PCDH7: variants seen among roughly 807,000 people sequenced by gnomAD.
The protein encoded by PCDH7 is protocadherin 7.
A neutral mutation model predicts 58.9 loss-of-function variants in PCDH7; 17 were observed. That is an observed-to-expected ratio of 0.29 (90% CI 0.20 to 0.43). The LOEUF (loss-of-function observed/expected upper bound fraction) is 0.43. PCDH7 is among the 20% of genes least tolerant of loss of function. The pLI, the probability that PCDH7 is intolerant of heterozygous loss-of-function variation, is 1.00. For synonymous variants in PCDH7, 664 were observed against 616.4 expected, an observed-to-expected ratio of 1.08 and a Z score of -1.14; for missense variants, 1,274 against 1,441.0, an observed-to-expected ratio of 0.88 and a Z score of 1.88.
intron 3 of PCDH7, among the ~76,000 whole-genome samples, chr4:31,056,505 G>GAAAGAAAT (rs1757238086): frequency 1.7e-5 from 2 of 115,120 alleles, no homozygotes; most frequent in Admixed American, 8.8e-5. Context: ...AAGAAAGAAA[G>GAAAGAAAT]AAAGAAAGAA....
chr4:31,141,182 A>T (rs527687664), intron 3 of PCDH7, among the ~76,000 whole-genome samples: 2 of 152,246 alleles, frequency 1.3e-5, no homozygotes, highest in African/African-American at 4.8e-5. Flanking sequence ...GAAAGTGTAC[A>T]TATCTTGGGA....
intron 3 of PCDH7, among the ~76,000 whole-genome samples, chr4:31,090,239 T>C (rs1713057338): frequency 6.6e-6 from 1 of 151,932 alleles, no homozygotes; most frequent in African/African-American, 2.4e-5. Context: ...AAAGACTTTA[T>C]GAAAAAAAAG....
At chr4:31,134,792 C>T (rs142227710) in intron 3 of PCDH7, among the ~76,000 whole-genome samples, 61 of 152,280 alleles carry the variant, frequency 4.0e-4, no homozygotes, top group African/African-American at 1.4e-3. Context: ...GTCTCTGTCT[C>T]AAGTGGGGTT....
intron 1 of PCDH7, among the ~76,000 whole-genome samples, chr4:30,859,568 T>G (rs1038311265): frequency 6.6e-6 from 1 of 151,630 alleles, no homozygotes; most frequent in African/African-American, 2.4e-5. Context: ...GCCTCCCGAG[T>G]AGCTGGGATT....
intron 1 of PCDH7, among the ~76,000 whole-genome samples, chr4:30,910,759 A>T (rs1224028419): frequency 6.6e-6 from 1 of 152,184 alleles, no homozygotes; most frequent in East Asian, 1.9e-4. Flanking sequence ...GTGATTCCTC[A>T]AGGATCTAGA....
In PCDH7 at chr4:30,721,049, A is replaced by C; in HGVS notation, c.-374A>C. 2 of 217,950 alleles carry C rather than the reference A, an allele frequency of 9.2e-6. No individual in the cohort carries two copies. Among genetic ancestry groups the C allele is most frequent in the Admixed American group, 5.6e-5 (1 of 17,706 alleles). 13.5% of individuals were successfully genotyped at this position (217,950 alleles called of 1,614,324 possible). A position where few individuals can be genotyped will look rare whatever the true frequency, so the allele number is the denominator to read the frequency against. On this transcript the variant is annotated 5_prime_UTR_variant, in exon 1 of 2. Transcript: ENST00000361762. The surrounding 1 kb of genome is among the most constrained non-coding windows in gnomAD (Gnocchi z 6.7). ...GACAGAGCGGGGACTAGAGCCGGGG[A>C]TTCTCCGCCCGCTGAGGGGATGACT... is the stretch of plus-strand genomic sequence containing the variant.
At chr4:31,065,123 GC>G (rs1343827337) in intron 3 of PCDH7, among the ~76,000 whole-genome samples, 2 of 151,988 alleles carry the variant, frequency 1.3e-5, no homozygotes, top group Non-Finnish European at 2.9e-5. Flanking sequence ...TCTGAGGGAT[GC>G]TGTGTAAACC....
chr4:30,956,213 G>A (rs1747851461), intron 3 of PCDH7, among the ~76,000 whole-genome samples: 1 of 150,884 alleles, frequency 6.6e-6, no homozygotes, highest in South Asian at 2.1e-4. Context: ...GGGCAACAGA[G>A]TGAGACTGCA....
chr4:30,822,650 A>T (rs1728523745), intron 1 of PCDH7, among the ~76,000 whole-genome samples: 1 of 152,058 alleles, frequency 6.6e-6, no homozygotes, highest in South Asian at 2.1e-4. Flanking sequence ...CATTTCAAAT[A>T]CTGGGCTTTT....
At chr4:30,915,366 G>T (rs1189566943) in intron 1 of PCDH7, among the ~76,000 whole-genome samples, 1 of 152,110 alleles carries the variant, frequency 6.6e-6, no homozygotes, top group Non-Finnish European at 1.5e-5. Context: ...AGCCACAGTG[G>T]CCTTCTAAAG....
chr4:31,114,369 A>G (rs940663329), intron 3 of PCDH7, among the ~76,000 whole-genome samples: 2 of 152,148 alleles, frequency 1.3e-5, no homozygotes, highest in Non-Finnish European at 2.9e-5. Flanking sequence ...AAGTATTTTG[A>G]CACTATGGTA....
chr4:30,945,453 A>G (rs1746553189), intron 2 of PCDH7, among the ~76,000 whole-genome samples: 1 of 152,120 alleles, frequency 6.6e-6, no homozygotes, highest in Non-Finnish European at 1.5e-5. Context: ...TTATTCTTTT[A>G]AATCTCAGGA....
chr4:30,818,723 A>G (rs1055364493), intron 1 of PCDH7, among the ~76,000 whole-genome samples: 2 of 152,170 alleles, frequency 1.3e-5, no homozygotes, highest in African/African-American at 4.8e-5. Flanking sequence ...CCAGGAAACT[A>G]GCCCTGAAGG....
intron 3 of PCDH7, among the ~76,000 whole-genome samples, chr4:31,032,673 AGGGAGGG>A (rs749984583): frequency 0.27 from 18,609 of 70,020 alleles, 1,915 homozygotes; most frequent in Middle Eastern, 0.47. Context: ...GAAGGAAGGG[AGGGAGGG>A]AGGGAGGGAG....
At position 30,722,304 on chromosome 4, in the gene PCDH7, A is replaced by T. The variant is rs760941693; in HGVS notation, c.882A>T (p.Leu294=). Residue 294 remains leucine (L), a synonymous_variant, in exon 1 of 2, where the codon CTA becomes CTT. Coordinates refer to ENST00000361762, the Ensembl canonical transcript of PCDH7. The surrounding 1 kb of genome is among the most constrained non-coding windows in gnomAD (Gnocchi z 7.6). ...CGCCTCGCTCCTCGCAGGCCATCCTACGGGTCCTCATCACCGACGTGAACG... is the reference window on the plus strand; with the variant it reads ...CGCCTCGCTCCTCGCAGGCCATCCTTCGGGTCCTCATCACCGACGTGAACG... 1.4e-5 allele frequency: 22 copies of T among 1,607,888 alleles called. 1 individual carries two copies. In the South Asian group the frequency reaches 2.4e-4, roughly 18 times the overall value.
intron 3 of PCDH7, among the ~76,000 whole-genome samples, chr4:31,109,974 T>C (rs1400766727): frequency 6.6e-6 from 1 of 152,220 alleles, no homozygotes; most frequent in Non-Finnish European, 1.5e-5. Flanking sequence ...AGGTTTGTTG[T>C]TCATGAATGC....
intron 3 of PCDH7, among the ~76,000 whole-genome samples, chr4:31,134,747 G>T (rs1719392227): frequency 6.6e-6 from 1 of 152,162 alleles, no homozygotes; most frequent in Non-Finnish European, 1.5e-5. Flanking sequence ...TTCACCTGGA[G>T]AACTGACTAG....
chr4:31,050,867 T>C (rs1269445062), intron 3 of PCDH7, among the ~76,000 whole-genome samples: 1 of 152,140 alleles, frequency 6.6e-6, no homozygotes, highest in Non-Finnish European at 1.5e-5. Flanking sequence ...TAGAGATTGA[T>C]AATAGGACTG....
intron 1 of PCDH7, chr4:30,725,352 T>A: frequency 1.1e-6 from 1 of 912,586 alleles, no homozygotes; most frequent in Non-Finnish European, 1.3e-6. Flanking sequence ...AGCCAAGTAA[T>A]GAAAATATTC....
Sources: allele counts gnomAD v4.1 joint callset (sites outside exome capture counted in the v4.1 genomes callset), GRCh38; gene constraint gnomAD v4.1.1; non-coding constraint Gnocchi (gnomAD v3.1); transcripts MANE v1.5; gene names NCBI Gene and HGNC (gene_info 2026-07-23, HGNC 2026-07-21).